Variants in CCSER2 observed in about 807,000 individuals in gnomAD.
CCSER2 encodes the protein serine-rich coiled-coil domain-containing protein 2.
CCSER2 carries 46 observed loss-of-function variants against 92.3 expected under a neutral mutation model. The ratio of observed to expected loss-of-function variants is 0.50; its 90% confidence interval spans 0.39 to 0.64. CCSER2 has a LOEUF of 0.64. Ranked by LOEUF, CCSER2 falls within the 30% of genes least tolerant of loss-of-function variation. CCSER2 has a pLI of 0.00. For synonymous variants in CCSER2, 433 were observed against 431.4 expected (o/e 1.00, Z -0.04); for missense variants, 1,244 against 1,238.9 (o/e 1.00, Z -0.06).
chr10:84,365,168 C>T lies in CCSER2; in HGVS notation c.-39-5846C>T, dbSNP rs149045196. On this transcript the variant is annotated intron_variant, in intron 1 of 9. Transcript: ENST00000372088. ...TGGTCCAGATATTAGTCTTAGTTCA[C>T]CACTAAATTAAAGCTCACAGATGGT... 4.3e-3 allele frequency among the ~76,000 whole-genome samples: 650 copies of T among 152,214 alleles called. 1 individual carries two copies. The highest frequency in any genetic ancestry group is 6.8e-3 in the Non-Finnish European group (461 of 68,018).
chr10:84,364,287 C>CT (rs1172469350), intron 1 of CCSER2, among the ~76,000 whole-genome samples: 3 of 152,190 alleles, frequency 2.0e-5, no homozygotes, highest in Admixed American at 6.5e-5. Flanking sequence ...GTTACAATGG[C>CT]TAGCATGTCA....
At chr10:84,460,034 C>T (rs1252839310) in intron 6 of CCSER2, among the ~76,000 whole-genome samples, 2 of 151,200 alleles carry the variant, frequency 1.3e-5, no homozygotes, top group African/African-American at 4.9e-5. Flanking sequence ...GGATCAACCT[C>T]AGTTGCTCAT....
At chr10:84,394,122 CAT>C (rs565646461) in intron 3 of CCSER2, among the ~76,000 whole-genome samples, 1 of 152,134 alleles carries the variant, frequency 6.6e-6, no homozygotes, top group Non-Finnish European at 1.5e-5. Context: ...ATTCTTTAAA[CAT>C]AATTATATTT....
intron 1 of CCSER2, among the ~76,000 whole-genome samples, chr10:84,344,356 G>A (rs1285531172): frequency 6.8e-6 from 1 of 146,104 alleles, no homozygotes; most frequent in African/African-American, 2.5e-5. Flanking sequence ...AGTATTAAAG[G>A]TTTTTTTTTT....
At chr10:84,344,388 A>AT (rs1456075367) in intron 1 of CCSER2, among the ~76,000 whole-genome samples, 1 of 150,294 alleles carries the variant, frequency 6.7e-6, no homozygotes, top group African/African-American at 2.5e-5. Flanking sequence ...CTGTTGCTTT[A>AT]TTTTTTTCTT....
chr10:84,371,768 C>T lies in CCSER2; in HGVS notation c.716C>T (p.Thr239Ile), dbSNP rs142860601. The T allele has an allele frequency of 2.4e-4, 380 of 1,613,428 alleles. No individual in the cohort carries two copies. Among genetic ancestry groups the T allele is most frequent in the Non-Finnish European group, 3.1e-4 (362 of 1,179,636 alleles). ...TCATTCCTTCCACCTTCATCTATAA[C>T]CAGATCACATTCCTTTAATAGAGCT... ...QNSFLPPSSI[T>I]RSHSFNRAVD... Residue 239 changes from threonine (T) to isoleucine (I), a missense_variant, in exon 2 of 10, where the codon ACC becomes ATC. Coordinates refer to ENST00000372088, the MANE Select transcript of CCSER2 (RefSeq NM_001284240.2).
At chr10:84,384,552 C>T (rs1455839745) in intron 3 of CCSER2, among the ~76,000 whole-genome samples, 1 of 152,230 alleles carries the variant, frequency 6.6e-6, no homozygotes, top group East Asian at 1.9e-4. Context: ...GAAGAAAAAG[C>T]ATTTGATAAA....
chr10:84,420,765 C>T (rs1394494966), intron 4 of CCSER2, among the ~76,000 whole-genome samples: 1 of 151,920 alleles, frequency 6.6e-6, no homozygotes, highest in Non-Finnish European at 1.5e-5. Context: ...AACCCTGTCT[C>T]TACTAAAAAC....
chr10:84,509,378 C>T (rs921862201), intron 9 of CCSER2, among the ~76,000 whole-genome samples: 4 of 152,002 alleles, frequency 2.6e-5, no homozygotes, highest in Non-Finnish European at 5.9e-5. Flanking sequence ...CCAACTATAA[C>T]GAAAAATGAA....
At chr10:84,486,146 A>G (rs1286255952) in intron 9 of CCSER2, among the ~76,000 whole-genome samples, 7 of 152,052 alleles carry the variant, frequency 4.6e-5, no homozygotes, top group Non-Finnish European at 1.0e-4. Context: ...TCTATCATTG[A>G]TGGACATTTG....
intron 1 of CCSER2, among the ~76,000 whole-genome samples, chr10:84,331,260 A>G (rs1843547755): frequency 6.6e-6 from 1 of 152,152 alleles, no homozygotes; most frequent in Non-Finnish European, 1.5e-5. Context: ...AGGAGCTGCC[A>G]GTTTTTCAGA....
intron 1 of CCSER2, among the ~76,000 whole-genome samples, chr10:84,335,224 CTCTCTTTT>C (rs1843764003): frequency 1.0e-5 from 1 of 98,390 alleles, no homozygotes; most frequent in African/African-American, 3.5e-5. Flanking sequence ...ACTTCTCTCT[CTCTCTTTT>C]TTTTTTTTTT....
At chr10:84,498,939 T>C (rs1848584744) in intron 9 of CCSER2, among the ~76,000 whole-genome samples, 1 of 152,238 alleles carries the variant, frequency 6.6e-6, no homozygotes, top group Admixed American at 6.5e-5. Flanking sequence ...ATCGTAGTTC[T>C]GATAATCTGT....
At chr10:84,475,080 G>A (rs1032690896) in intron 8 of CCSER2, among the ~76,000 whole-genome samples, 2 of 152,110 alleles carry the variant, frequency 1.3e-5, no homozygotes, top group African/African-American at 4.8e-5. Context: ...ATAGGTTAAG[G>A]GCCTATGATC....
At chr10:84,466,978 C>A (rs895284273) in intron 7 of CCSER2, among the ~76,000 whole-genome samples, 81 of 152,280 alleles carry the variant, frequency 5.3e-4, no homozygotes, top group Non-Finnish European at 5.3e-4. Flanking sequence ...CCTCCTCTCT[C>A]ATCTGTCTTG....
At chr10:84,379,139 A>C (rs1846505053) in intron 3 of CCSER2, among the ~76,000 whole-genome samples, 1 of 152,194 alleles carries the variant, frequency 6.6e-6, no homozygotes, top group South Asian at 2.1e-4. Context: ...TTTTAATAAC[A>C]GTTTTAATTT....
chr10:84,489,060 T>C (rs1170332512), intron 9 of CCSER2, among the ~76,000 whole-genome samples: 9 of 152,226 alleles, frequency 5.9e-5, no homozygotes, highest in Non-Finnish European at 1.3e-4. Flanking sequence ...TGAGTGACTT[T>C]ATTAATCCTG....
At position 84,332,412 on chromosome 10, in the gene CCSER2, T is replaced by TTA. The variant is rs1554828778; in HGVS notation, c.-40+3628_-40+3629dup. Among the ~76,000 whole-genome samples, 215 of 82,252 alleles carry TTA rather than the reference T, an allele frequency of 2.6e-3. 1 individual carries two copies. Among genetic ancestry groups the TTA allele is most frequent in the East Asian group, 4.7e-3 (12 of 2,572 alleles). 54.0% of individuals were successfully genotyped at this position (82,252 alleles called of 152,430 possible). ...ATTTTATATTATTAAATTTATTTTTTTATATATATATATATATATATATAT... is the reference window on the plus strand; with the variant it reads ...ATTTTATATTATTAAATTTATTTTTTTATATATATATATATATATATATATAT... On this transcript the variant is annotated intron_variant, in intron 1 of 9. Transcript: ENST00000372088.
At chr10:84,457,016 T>C (rs1845664656) in intron 6 of CCSER2, among the ~76,000 whole-genome samples, 1 of 150,734 alleles carries the variant, frequency 6.6e-6, no homozygotes, top group Non-Finnish European at 1.5e-5. Flanking sequence ...TTTTTAAAAA[T>C]GGGACTAGCT....
Sources: allele counts gnomAD v4.1 joint callset (sites outside exome capture counted in the v4.1 genomes callset), GRCh38; gene constraint gnomAD v4.1.1; transcripts MANE v1.5; gene names NCBI Gene and HGNC (gene_info 2026-07-23, HGNC 2026-07-21).